RYR1: variants seen among roughly 807,000 people sequenced by gnomAD.
The protein encoded by RYR1 is central core disease of muscle.
Under a neutral mutation model 583.5 loss-of-function variants are expected in RYR1, and 342 were observed. That is an observed-to-expected ratio of 0.59 (90% confidence interval 0.54 to 0.64). The LOEUF is 0.64. RYR1 is among the 30% of genes least tolerant of loss of function. The pLI is 0.00. For missense variants in RYR1, 6,032 were observed against 6,917.2 expected (o/e 0.87, Z 4.54); for synonymous variants, 2,791 against 2,822.5 (o/e 0.99, Z 0.35).
At chr19:38,513,429 T>C (rs1042960792) in intron 63 of RYR1, among the ~76,000 whole-genome samples, 1 of 152,154 alleles carries the variant, frequency 6.6e-6, no homozygotes. Flanking sequence ...GAAGATCTCT[T>C]GAGCCCAGGA....
chr19:38,546,599 C>A, intron 88 of RYR1, 73 bp downstream of exon 88: 2 of 1,195,020 alleles, frequency 1.7e-6, no homozygotes, highest in South Asian at 1.2e-5. Context: ...CCCCTGAGAC[C>A]CGGGAGACCC....
chr19:38,575,827 G>T, intron 96 of RYR1, 92 bp from the exon 97 acceptor site: 1 of 1,348,986 alleles, frequency 7.4e-7, no homozygotes, highest in Non-Finnish European at 1.1e-6. Context: ...AAGAAAAACA[G>T]TGGAGTTTCA....
intron 39 of RYR1, among the ~76,000 whole-genome samples, chr19:38,494,886 T>G (rs1391571924): frequency 1.6e-5 from 2 of 126,104 alleles, no homozygotes; most frequent in East Asian, 5.4e-4. Context: ...TGAGTCTCAC[T>G]CTGTCACCCA....
rs116989106 is a variant in RYR1 at position 38,497,205 on chromosome 19, G to C, written c.6891+251G>C. ...GGGCAGGTCCACAGTCTACGCTTCCGGGATGGGGGCGGATCCGCACTCTAA... is the reference window on the plus strand; with the variant it reads ...GGGCAGGTCCACAGTCTACGCTTCCCGGATGGGGGCGGATCCGCACTCTAA... On this transcript the variant is annotated intron_variant, in intron 42 of 105. Coordinates refer to ENST00000359596, the MANE Select transcript of RYR1 (RefSeq NM_000540.3). Among the ~76,000 whole-genome samples the C allele has an allele frequency of 0.052, 7,747 of 149,442 alleles. 260 individuals carry two copies. The highest frequency in any genetic ancestry group is 0.15 in the South Asian group (699 of 4,658).
intron 76 of RYR1, 26 bp from the exon 77 acceptor site, chr19:38,532,464 G>A (rs370844584): frequency 8.1e-6 from 13 of 1,613,802 alleles, no homozygotes; most frequent in African/African-American, 1.3e-5. Flanking sequence ...ACCGGGTCCT[G>A]ACCACTCCCC....
chr19:38,545,705 A>G (rs117071587), intron 87 of RYR1, among the ~76,000 whole-genome samples: 3,459 of 152,208 alleles, frequency 0.023, 94 homozygotes, highest in Admixed American at 0.073. Context: ...CAGCTACTCG[A>G]GAGGCTTAGG....
chr19:38,490,231 G>C lies in RYR1; in HGVS notation c.5970G>C (p.Glu1990Asp), dbSNP rs1371461616. ...LIKAFSMTAA[E>D]TARRTREFRS... ...AAGCCTTCAGCATGACCGCAGCAGAGACTGCAAGACGTACCCGCGAGTTCC... is the reference window on the plus strand; with the variant it reads ...AAGCCTTCAGCATGACCGCAGCAGACACTGCAAGACGTACCCGCGAGTTCC... The change falls in exon 36 of 106, where the codon GAG becomes GAC. Residue 1990 changes from glutamate (E) to aspartate (D), a missense_variant. Coordinates refer to ENST00000359596, the MANE Select transcript of RYR1 (RefSeq NM_000540.3). 2 of 1,614,198 alleles carry C rather than the reference G, an allele frequency of 1.2e-6. No homozygotes were observed. Among genetic ancestry groups the C allele is most frequent in the South Asian group, 1.1e-5 (1 of 91,084 alleles).
rs1226486711 is a variant in RYR1 at position 38,494,853 on chromosome 19, CT to C, written c.6548+243del. ...TCAGCAGGACATTCCCCACCCCCCC[CT>C]TTTTTTTTTTTTTTGTGAGACTGAG... On this transcript the variant is annotated intron_variant, in intron 39 of 105. Coordinates refer to ENST00000359596, the MANE Select transcript of RYR1 (RefSeq NM_000540.3). Among the ~76,000 whole-genome samples, 8,325 of 126,874 alleles carry C rather than the reference CT, an allele frequency of 0.066. 182 individuals are homozygous for C. Among genetic ancestry groups the C allele is most frequent in the South Asian group, 0.14 (488 of 3,588 alleles). The allele number at this position is 126,874 out of a possible 152,430, so 83.2% of individuals were successfully genotyped here.
chr19:38,527,879 T>A, intron 73 of RYR1, 95 bp downstream of exon 73: 2 of 1,478,442 alleles, frequency 1.4e-6, no homozygotes, highest in African/African-American at 1.4e-5. Flanking sequence ...TGGAGATGAC[T>A]ATTAAGTTTT....
chr19:38,466,199 C>T lies in RYR1; in HGVS notation c.2979C>T (p.Asn993=), dbSNP rs2228070. The part of the protein sequence containing the change: ...LVDRLAENGH[N]VWARDRVGQG... Reference sequence around the variant, plus strand: ...ACCGTCTGGCAGAAAATGGGCACAACGTGTGGGCCCGAGACCGCGTGGGCC... The same window carrying T: ...ACCGTCTGGCAGAAAATGGGCACAATGTGTGGGCCCGAGACCGCGTGGGCC... Residue 993 remains asparagine, a synonymous_variant, in exon 24 of 106, where the codon AAC becomes AAT. Coordinates refer to ENST00000359596, the MANE Select transcript of RYR1 (RefSeq NM_000540.3). 372,696 of 1,613,162 alleles carry T rather than the reference C, an allele frequency of 0.23. 45,268 individuals carry two copies. The highest frequency in any genetic ancestry group is 0.37 in the East Asian group (16,704 of 44,844).
At position 38,475,339 on chromosome 19, in the gene RYR1, G is replaced by A. The variant is rs886054384; in HGVS notation, c.4182G>A (p.Lys1394=). 1.2e-6 allele frequency: 2 copies of A among 1,601,730 alleles called. No homozygotes were observed. The highest frequency in any genetic ancestry group is 1.1e-5 in the South Asian group (1 of 89,284). Residue 1394 remains lysine, a synonymous_variant, in exon 29 of 106, where the codon AAG becomes AAA. Transcript: ENST00000359596. The part of the protein sequence containing the change: ...KKRGFLFKAK[K]VAMMTQPPAT... ...CCAGCTTCTTATTCAAGGCCAAGAA[G>A]GTCGCCATGATGACCCAGCCACCGG...
At chr19:38,442,507 A>C in intron 3 of RYR1, 54 bp downstream of exon 3, 1 of 1,399,688 alleles carries the variant, frequency 7.1e-7, no homozygotes, top group Non-Finnish European at 1.0e-6. Flanking sequence ...GAGAGGACCC[A>C]GGGGTCGTTT....
Position 38,469,383 on chromosome 19 carries a change from T to C in RYR1, c.3635T>C (p.Phe1212Ser). The change falls in exon 27 of 106, where the codon TTC (phenylalanine) becomes TCC (serine). Residue 1212 changes from phenylalanine to serine, a missense_variant. Phe to Ser is a radical substitution (Grantham distance 155). This residue lies in a region of RYR1 where 2,627 missense variants were observed against 2,961.3 expected (regional missense o/e 0.89). Coordinates refer to ENST00000359596, the MANE Select transcript of RYR1 (RefSeq NM_000540.3). ...GGCCAGGACGTGAGCTCTCTGAGGTTCTTTGCCATCTGTGGCCTCCAGGAA... is the reference window on the plus strand; with the variant it reads ...GGCCAGGACGTGAGCTCTCTGAGGTCCTTTGCCATCTGTGGCCTCCAGGAA... The part of the protein sequence containing the change: ...NLGQDVSSLR[F>S]FAICGLQEGF... 6.2e-7 allele frequency: 1 copy of C among 1,614,122 alleles called. No individual in the cohort carries two copies. The highest frequency in any genetic ancestry group is 8.5e-7 in the Non-Finnish European group (1 of 1,180,040).
At chr19:38,492,199 C>T (rs1001376859) in intron 37 of RYR1, among the ~76,000 whole-genome samples, 1 of 151,802 alleles carries the variant, frequency 6.6e-6, no homozygotes, top group Non-Finnish European at 1.5e-5. Context: ...CCCATCTCTA[C>T]AGAAAAAGAT....
In RYR1 at chr19:38,566,905, C is replaced by T. The variant is rs756003242; in HGVS notation, c.13438-6C>T. ...GACTCAGCCCTGATGCTTGCCCTGT[C>T]CCTAGGTGGATGGAGTGGAGGAGGA... On this transcript the variant is annotated splice_polypyrimidine_tract_variant and splice_region_variant and intron_variant, in intron 91 of 105. Coordinates refer to ENST00000359596, the MANE Select transcript of RYR1 (RefSeq NM_000540.3). The T allele has an allele frequency of 2.5e-6, 4 of 1,603,048 alleles. No homozygotes were observed. The African/African-American group carries it at 5.3e-5, about 21-fold the overall frequency.
rs2145338967 is a variant in RYR1, at chr19:38,444,251, A to G, written c.527A>G (p.Glu176Gly). The change falls in exon 6 of 106, where the codon GAG (glutamate) becomes GGG (glycine). Residue 176 changes from glutamate (E) to glycine (G), a missense_variant. Physicochemically the swap from Glu to Gly is moderately conservative, Grantham distance 98 (BLOSUM62 -2). This residue lies in a region of RYR1 where 338 missense variants were observed against 441.6 expected (regional missense o/e 0.77). Coordinates refer to ENST00000359596, the MANE Select transcript of RYR1 (RefSeq NM_000540.3). The surrounding 1 kb of genome is among the most constrained non-coding windows in gnomAD (Gnocchi z 5.1). ...ATCATCCTTGTCAGTGTCTCCTCCG[A>G]GCGCTACCTGGTGAGCCATTGCGGT... ...DDIILVSVSS[E>G]RYLHLSTASG... is the part of the protein sequence containing the mutation. 1 of 1,613,332 alleles carries G rather than the reference A, an allele frequency of 6.2e-7. No homozygotes were observed. The highest frequency in any genetic ancestry group is 8.5e-7 in the Non-Finnish European group (1 of 1,179,362).
Position 38,586,030 on chromosome 19 carries a change from G to A in RYR1, c.14868+28G>A, listed in dbSNP as rs201630517. On this transcript the variant is annotated intron_variant, in intron 103 of 105. Coordinates refer to ENST00000359596, the MANE Select transcript of RYR1 (RefSeq NM_000540.3). ...AGGTCATGTCTGGGGGTGACCCAGA[G>A]GGATTACGGGATTCAGGGGGTCAAG... The A allele has an allele frequency of 1.9e-6, 3 of 1,614,022 alleles. No individual in the cohort carries two copies. The East Asian group carries it at 6.7e-5, about 36-fold the overall frequency.
At chr19:38,515,314 G>A (rs1176134846) in intron 64 of RYR1, among the ~76,000 whole-genome samples, 4 of 152,188 alleles carry the variant, frequency 2.6e-5, no homozygotes, top group African/African-American at 9.6e-5. Context: ...CTGGGGCTGT[G>A]AAGCAGGCAG....
intron 93 of RYR1, among the ~76,000 whole-genome samples, chr19:38,568,910 C>T (rs1259432243): frequency 6.6e-6 from 1 of 152,204 alleles, no homozygotes; most frequent in East Asian, 1.9e-4. Flanking sequence ...GGGCTCATGC[C>T]TGTAAGTCCA....
Sources: gnomAD v4.1 joint callset for allele counts (sites outside exome capture counted in the v4.1 genomes callset) on GRCh38, gnomAD v4.1.1 for gene constraint, gnomAD v4.1.1 regional missense constraint, Gnocchi (gnomAD v3.1) non-coding constraint, MANE v1.5 for transcripts, NCBI Gene and HGNC (gene_info 2026-07-23, HGNC 2026-07-21) for gene names.